The following LRRC37A2 variants were observed in gnomAD, a reference collection of about 807,000 sequenced individuals.
LRRC37A2 encodes leucine rich repeat containing 37 member A2.
In LRRC37A2, 9 loss-of-function variants were observed where a neutral mutation model predicts 68.8. The ratio of observed to expected loss-of-function variants is 0.13; its 90% confidence interval spans 0.08 to 0.23. LRRC37A2 has a LOEUF of 0.23. LRRC37A2 is among the 10% of genes least tolerant of loss of function. The pLI, the probability that LRRC37A2 is intolerant of heterozygous loss-of-function variation, is 1.00. For synonymous variants in LRRC37A2, 63 were observed against 367.6 expected (o/e 0.17, Z 9.48); for missense variants, 168 against 950.4 (o/e 0.18, Z 10.82).
At chr17:46,402,192 A>AC in the LRRC37A2 span, among the ~76,000 whole-genome samples, 2 of 1,364 alleles carry the variant, frequency 1.5e-3, 1 homozygote, top group African/African-American at 1.6e-3. Context: ...AAAAAAAAAA[A>AC]AAAAAAAAAA....
the LRRC37A2 span, among the ~76,000 whole-genome samples, chr17:46,684,425 CAT>C: frequency 8.6e-5 from 13 of 151,918 alleles, no homozygotes; most frequent in Middle Eastern, 3.4e-3. Flanking sequence ...CCTCAATAAA[CAT>C]GTGTGCATGT....
chr17:46,898,133 C>T, the LRRC37A2 span, among the ~76,000 whole-genome samples: 1 of 152,138 alleles, frequency 6.6e-6, no homozygotes, highest in Non-Finnish European at 1.5e-5. Context: ...CCCCTCCATC[C>T]CATTCACCCA....
the LRRC37A2 span, among the ~76,000 whole-genome samples, chr17:46,966,225 A>AGTT: frequency 1.3e-5 from 2 of 152,242 alleles, no homozygotes; most frequent in African/African-American, 4.8e-5. Flanking sequence ...AGAAAAATCA[A>AGTT]GGCATGGCTT....
the LRRC37A2 span, among the ~76,000 whole-genome samples, chr17:46,744,005 T>C: frequency 6.6e-6 from 1 of 152,166 alleles, no homozygotes; most frequent in Non-Finnish European, 1.5e-5. Context: ...TTCAAGGGCC[T>C]TGCCAGTGCC....
chr17:46,823,112 TA>T, the LRRC37A2 span, among the ~76,000 whole-genome samples: 1 of 96,562 alleles, frequency 1.0e-5, no homozygotes, highest in African/African-American at 5.0e-5. Context: ...TAAACACATA[TA>T]TTATATATTA....
the LRRC37A2 span, chr17:47,017,952 C>G: frequency 1.3e-6 from 2 of 1,589,858 alleles, no homozygotes; most frequent in Non-Finnish European, 1.7e-6. Context: ...TGAGGAAGAA[C>G]CTTCTTCAAT....
the LRRC37A2 span, among the ~76,000 whole-genome samples, chr17:46,855,033 G>A: frequency 2.0e-5 from 3 of 152,336 alleles, no homozygotes; most frequent in South Asian, 2.1e-4. Flanking sequence ...TAGGATGGGT[G>A]TAAATAGTTC....
chr17:46,890,953 A>G, the LRRC37A2 span, among the ~76,000 whole-genome samples: 1 of 152,222 alleles, frequency 6.6e-6, no homozygotes, highest in Non-Finnish European at 1.5e-5. Flanking sequence ...CCCCTGAGGT[A>G]GGTGCACCTA....
At chr17:46,621,224 G>A in the LRRC37A2 span, among the ~76,000 whole-genome samples, 1 of 149,846 alleles carries the variant, frequency 6.7e-6, no homozygotes, top group Admixed American at 6.6e-5. Context: ...TGCAGCAATA[G>A]TTTACCTGTG....
the LRRC37A2 span, among the ~76,000 whole-genome samples, chr17:47,014,426 T>G: frequency 6.6e-6 from 1 of 150,696 alleles, no homozygotes; most frequent in Non-Finnish European, 1.5e-5. Flanking sequence ...GAAAAACAAC[T>G]CAAGGGTCGG....
the LRRC37A2 span, among the ~76,000 whole-genome samples, chr17:46,769,379 TG>T: frequency 6.7e-6 from 1 of 148,690 alleles, no homozygotes; most frequent in African/African-American, 2.5e-5. Flanking sequence ...ATTTAACACA[TG>T]GGGAAACTGA....
At chr17:46,875,510 C>A in the LRRC37A2 span, 1 of 1,172,376 alleles carries the variant, frequency 8.5e-7, no homozygotes, top group Non-Finnish European at 1.2e-6. Flanking sequence ...TTCACGTCTT[C>A]AACCAGCATT....
At chr17:46,806,821 C>T in the LRRC37A2 span, among the ~76,000 whole-genome samples, 4 of 152,218 alleles carry the variant, frequency 2.6e-5, no homozygotes, top group South Asian at 6.2e-4. Flanking sequence ...GATCCCTGGC[C>T]GCCGCTCCCC....
chr17:46,907,366 G>A, the LRRC37A2 span, among the ~76,000 whole-genome samples: 3,141 of 152,098 alleles, frequency 0.021, 108 homozygotes, highest in African/African-American at 0.072. Context: ...GAGGTTGACC[G>A]TGGCAGTGAG....
At chr17:46,758,198 A>G in the LRRC37A2 span, among the ~76,000 whole-genome samples, 1 of 152,210 alleles carries the variant, frequency 6.6e-6, no homozygotes, top group Non-Finnish European at 1.5e-5. Flanking sequence ...CTGAGCTATC[A>G]GATCTCTTAA....
intron 8 of LRRC37A2, among the ~76,000 whole-genome samples, chr17:46,542,617 C>A (rs1459558591): frequency 6.7e-6 from 1 of 150,220 alleles, no homozygotes; most frequent in African/African-American, 2.5e-5. Flanking sequence ...ATCACTTGAA[C>A]CCAGGAGGTG....
At chr17:46,992,484 C>G in the LRRC37A2 span, among the ~76,000 whole-genome samples, 1 of 152,174 alleles carries the variant, frequency 6.6e-6, no homozygotes, top group East Asian at 1.9e-4. Flanking sequence ...AAATTTGACT[C>G]TAGGGGTGGA....
chr17:46,991,484 C>T, the LRRC37A2 span, among the ~76,000 whole-genome samples: 2,036 of 152,042 alleles, frequency 0.013, 23 homozygotes, highest in Middle Eastern at 0.041. Flanking sequence ...AAAAATTAGC[C>T]GGGTGTGGTG....
chr17:46,703,823 TC>T, the LRRC37A2 span, among the ~76,000 whole-genome samples: 1 of 146,628 alleles, frequency 6.8e-6, no homozygotes, highest in African/African-American at 2.5e-5. Flanking sequence ...AGACCTCTTT[TC>T]ATCTTGTAAA....
Sources: gnomAD v4.1 joint callset for allele counts (sites outside exome capture counted in the v4.1 genomes callset) on GRCh38, gnomAD v4.1.1 for gene constraint, MANE v1.5 for transcripts, NCBI Gene and HGNC (gene_info 2026-07-23, HGNC 2026-07-21) for gene names.